AAK1: variants seen among roughly 807,000 people sequenced by gnomAD.
AAK1 encodes the protein AP2-associated protein kinase 1.
A neutral mutation model predicts 116.0 loss-of-function variants in AAK1; 37 were observed. The observed-to-expected ratio is 0.32, with a 90% CI of 0.25 to 0.42. The LOEUF (loss-of-function observed/expected upper bound fraction) is 0.42, where lower values mean the gene tolerates loss of function less well. AAK1 is among the 10% of genes least tolerant of loss of function. The pLI, the probability that AAK1 is intolerant of heterozygous loss-of-function variation, is 1.00. For missense variants in AAK1, 919 were observed against 1,170.6 expected (o/e 0.79, Z 3.14); for synonymous variants, 458 against 439.9 (o/e 1.04, Z -0.51).
intron 17 of AAK1, among the ~76,000 whole-genome samples, chr2:69,492,750 C>G (rs954023048): frequency 1.3e-5 from 2 of 151,728 alleles, no homozygotes; most frequent in East Asian, 3.9e-4. Context: ...TTTCGAACTC[C>G]TGACCTCAGG....
In AAK1 at chr2:69,470,936, A is replaced by G. The variant is rs1674655154; in HGVS notation, c.*4933T>C. 1 of 985,764 alleles carries G rather than the reference A, an allele frequency of 1.0e-6. No individual in the cohort carries two copies. Among genetic ancestry groups the G allele is most frequent in the Non-Finnish European group, 1.2e-6 (1 of 829,928 alleles). 61.1% of individuals were successfully genotyped at this position (985,764 alleles called of 1,614,324 possible). On this transcript the variant is annotated 3_prime_UTR_variant, in exon 22 of 22. Coordinates refer to ENST00000409085, the MANE Select transcript of AAK1 (RefSeq NM_014911.5). ...CATCATGCTCCCATTTGAACAGATA[A>G]AAGTCTTTATTCCCCTGTATGTTTA...
intron 2 of AAK1, among the ~76,000 whole-genome samples, chr2:69,591,515 TTC>T (rs1161311882): frequency 7.2e-6 from 1 of 138,162 alleles, no homozygotes; most frequent in Non-Finnish European, 1.5e-5. Flanking sequence ...TTTTCTTTTT[TTC>T]TTTTTCTTTT....
intron 2 of AAK1, among the ~76,000 whole-genome samples, chr2:69,565,461 A>G (rs140246783): frequency 8.6e-4 from 131 of 152,374 alleles, no homozygotes; most frequent in African/African-American, 3.1e-3. Context: ...CACTTGACCA[A>G]CTGGGAAACT....
rs1443699848 is a variant in AAK1, at chr2:69,464,987, T to C, written c.*10882A>G. The C allele has an allele frequency of 6.4e-6, 1 of 157,114 alleles. No homozygotes were observed. Among genetic ancestry groups the C allele is most frequent in the Non-Finnish European group, 1.4e-5 (1 of 71,358 alleles). 9.7% of individuals were successfully genotyped at this position (157,114 alleles called of 1,614,324 possible). On this transcript the variant is annotated 3_prime_UTR_variant, in exon 22 of 22. Transcript: ENST00000409085. ...TCAAGAGTACTAAATCTTGATTTAG[T>C]GGAGGGACTAATCTTGATTCTTCGA...
In AAK1 at chr2:69,527,243, C is replaced by A. The variant is rs1001879452; in HGVS notation, c.948G>T (p.Lys316Asn). ...QVSYFSFKLLKKECPIPNVQN... is the reference protein window; with the variant it reads ...QVSYFSFKLLNKECPIPNVQN... ...GTACATTTGGAATTGGGCACTCTTT[C>A]TTGAGTAGCTTAAATGAGAAGTAGG... The change falls in exon 9 of 22, where the codon AAG becomes AAT. Residue 316 changes from lysine (K) to asparagine (N), a missense_variant. Coordinates refer to ENST00000409085, the MANE Select transcript of AAK1 (RefSeq NM_014911.5). The A allele has an allele frequency of 6.2e-7, 1 of 1,607,794 alleles. No individual in the cohort carries two copies. Among genetic ancestry groups the A allele is most frequent in the African/African-American group, 1.3e-5 (1 of 74,842 alleles).
chr2:69,461,434 C>T lies in AAK1; in HGVS notation c.*14435G>A, dbSNP rs114984852. 205 of 236,152 alleles carry T rather than the reference C, an allele frequency of 8.7e-4. No individual in the cohort carries two copies. The highest frequency in any genetic ancestry group is 4.2e-3 in the African/African-American group (173 of 40,816). The allele number at this position is 236,152 out of a possible 1,614,324, so 14.6% of individuals were successfully genotyped here. On this transcript the variant is annotated 3_prime_UTR_variant, in exon 22 of 22. Coordinates refer to ENST00000409085, the MANE Select transcript of AAK1 (RefSeq NM_014911.5). Reference sequence around the variant, plus strand: ...AATAAGACCCTACTGTAATACAAGTCGGCAGAATCTAACTGTTACTAATAA... The same window carrying T: ...AATAAGACCCTACTGTAATACAAGTTGGCAGAATCTAACTGTTACTAATAA...
intron 2 of AAK1, among the ~76,000 whole-genome samples, chr2:69,622,387 G>A (rs1047079530): frequency 6.7e-6 from 1 of 148,776 alleles, no homozygotes; most frequent in Non-Finnish European, 1.5e-5. Flanking sequence ...GCTCCACAGC[G>A]CCCGGTCCCA....
chr2:69,469,020 T>C lies in AAK1; in HGVS notation c.*6849A>G. 2 of 985,444 alleles carry C rather than the reference T, an allele frequency of 2.0e-6. No homozygotes were observed. The highest frequency in any genetic ancestry group is 2.4e-6 in the Non-Finnish European group (2 of 829,930). 61.0% of individuals were successfully genotyped at this position (985,444 alleles called of 1,614,324 possible). On this transcript the variant is annotated 3_prime_UTR_variant, in exon 22 of 22. Transcript: ENST00000409085. Reference sequence around the variant, plus strand: ...AGAATATCAAGTTTGAAGGGAAAATTAGTCTCCTGTCCTTCAAAACAAGGA... The same window carrying C: ...AGAATATCAAGTTTGAAGGGAAAATCAGTCTCCTGTCCTTCAAAACAAGGA...
At chr2:69,502,563 G>C (rs910096750) in intron 16 of AAK1, among the ~76,000 whole-genome samples, 1 of 152,194 alleles carries the variant, frequency 6.6e-6, no homozygotes, top group Admixed American at 6.5e-5. Flanking sequence ...AGAGGTTGCG[G>C]TGAGCCAAGA....
At chr2:69,604,771 C>G (rs556603499) in intron 2 of AAK1, among the ~76,000 whole-genome samples, 1 of 152,088 alleles carries the variant, frequency 6.6e-6, no homozygotes, top group Non-Finnish European at 1.5e-5. Context: ...CTGCTTCTCC[C>G]GGGTGCCACA....
intron 3 of AAK1, among the ~76,000 whole-genome samples, chr2:69,545,826 TG>T (rs1670900742): frequency 1.3e-5 from 2 of 152,060 alleles, no homozygotes; most frequent in Admixed American, 1.3e-4. Context: ...GATGGGATGG[TG>T]GTGAGAATGA....
intron 12 of AAK1, among the ~76,000 whole-genome samples, chr2:69,518,331 AT>A (rs1033003945): frequency 7.9e-5 from 12 of 151,228 alleles, no homozygotes; most frequent in African/African-American, 2.4e-4. Context: ...AACTATTGTT[AT>A]TTTTTCCTCT....
rs1357808773 is a variant in AAK1, at chr2:69,482,842, C to G, written c.2366-30G>C. 1.5e-4 allele frequency: 220 copies of G among 1,423,290 alleles called. 2 individuals carry two copies. The highest frequency in any genetic ancestry group is 4.9e-6 in the Non-Finnish European group (5 of 1,011,722). 88.2% of individuals were successfully genotyped at this position (1,423,290 alleles called of 1,614,324 possible). A position where few individuals can be genotyped will look rare whatever the true frequency, so the allele number is the denominator to read the frequency against. ...GTTGGGCAGAGAGACAAAAAGAAAG[C>G]AAAAATGTAGTAAGATATTAAAGCC... On this transcript the variant is annotated intron_variant, in intron 17 of 21. Coordinates refer to ENST00000409085, the MANE Select transcript of AAK1 (RefSeq NM_014911.5).
rs1210431740 is a variant in AAK1, at chr2:69,465,583, G to A, written c.*10286C>T. ...ACAATTTTGTAGGCAGCAATGGGCT[G>A]GGCTTCTGGACTTGGCTCGTCTTCT... On this transcript the variant is annotated 3_prime_UTR_variant, in exon 22 of 22. Transcript: ENST00000409085. 3.1e-6 allele frequency: 4 copies of A among 1,291,014 alleles called. No individual in the cohort carries two copies. The highest frequency in any genetic ancestry group is 2.3e-5 in the Admixed American group (1 of 43,574). The allele number at this position is 1,291,014 out of a possible 1,614,324, so 80.0% of individuals were successfully genotyped here.
chr2:69,573,545 G>C (rs150940278), intron 2 of AAK1, among the ~76,000 whole-genome samples: 16 of 152,358 alleles, frequency 1.1e-4, no homozygotes, highest in Non-Finnish European at 2.1e-4. Context: ...AGTAGTCTCA[G>C]TGAGGCAGAA....
At chr2:69,625,926 A>G (rs1166581666) in intron 2 of AAK1, among the ~76,000 whole-genome samples, 1 of 152,036 alleles carries the variant, frequency 6.6e-6, no homozygotes, top group Non-Finnish European at 1.5e-5. Context: ...CTTAAATCCA[A>G]TTCAACTCCA....
chr2:69,466,212 GGA>G lies in AAK1; in HGVS notation c.*9655_*9656del. 1 of 1,289,800 alleles carries G rather than the reference GGA, an allele frequency of 7.8e-7. No individual in the cohort carries two copies. Among genetic ancestry groups the G allele is most frequent in the Non-Finnish European group, 1.0e-6 (1 of 988,878 alleles). 79.9% of individuals were successfully genotyped at this position (1,289,800 alleles called of 1,614,324 possible). A position where few individuals can be genotyped will look rare whatever the true frequency, so the allele number is the denominator to read the frequency against. On this transcript the variant is annotated 3_prime_UTR_variant, in exon 22 of 22. Transcript: ENST00000409085. ...ACCTTGCACTGTCTTTGCTTGCTCAGGAGAGACTTCTGGTGGAGCGAATGGAA... is the reference window on the plus strand; with the variant it reads ...ACCTTGCACTGTCTTTGCTTGCTCAGGAGACTTCTGGTGGAGCGAATGGAA...
chr2:69,505,127 A>G (rs199886379), intron 16 of AAK1, among the ~76,000 whole-genome samples: 4,373 of 102,214 alleles, frequency 0.043, 252 homozygotes, highest in East Asian at 0.28. Context: ...GCGTGTGCGC[A>G]CACACACCCA....
At chr2:69,584,536 G>C (rs1361125471) in intron 2 of AAK1, among the ~76,000 whole-genome samples, 1 of 152,112 alleles carries the variant, frequency 6.6e-6, no homozygotes, top group African/African-American at 2.4e-5. Flanking sequence ...TTCCCAACTT[G>C]TTTCAAGTTG....
Sources: allele counts gnomAD v4.1 joint callset (sites outside exome capture counted in the v4.1 genomes callset), GRCh38; gene constraint gnomAD v4.1.1; transcripts MANE v1.5; gene names NCBI Gene and HGNC (gene_info 2026-07-23, HGNC 2026-07-21).